The following HS6ST3 variants were observed in gnomAD, a reference collection of about 807,000 sequenced individuals.
The protein encoded by HS6ST3 is heparan sulfate 6-O-sulfotransferase 3.
HS6ST3 carries 12 observed loss-of-function variants against 36.7 expected under a neutral mutation model. The observed-to-expected ratio is 0.33, with a 90% CI of 0.21 to 0.53. HS6ST3 has a LOEUF of 0.53. Among genes scored for constraint, HS6ST3 ranks in the 20% least tolerant of loss-of-function variants. The pLI, the probability that HS6ST3 is intolerant of heterozygous loss-of-function variation, is 0.95. For synonymous variants in HS6ST3, 240 were observed against 257.5 expected, an observed-to-expected ratio of 0.93 and a Z score of 0.65; for missense variants, 584 against 640.9, an observed-to-expected ratio of 0.91 and a Z score of 0.96.
At chr13:96,601,036 A>G (rs1409279474) in intron 1 of HS6ST3, among the ~76,000 whole-genome samples, 1 of 152,112 alleles carries the variant, frequency 6.6e-6, no homozygotes, top group Non-Finnish European at 1.5e-5. Flanking sequence ...GAAGTGTACT[A>G]TTAGTCTCAT....
chr13:96,752,231 G>A (rs1004153084), intron 1 of HS6ST3, among the ~76,000 whole-genome samples: 4 of 151,938 alleles, frequency 2.6e-5, no homozygotes, highest in African/African-American at 7.2e-5. Context: ...TGCTACATTC[G>A]TTTGTGTATC....
chr13:96,313,713 A>G (rs1237599846), intron 1 of HS6ST3, among the ~76,000 whole-genome samples: 1 of 152,190 alleles, frequency 6.6e-6, no homozygotes, highest in Non-Finnish European at 1.5e-5. Flanking sequence ...TTCTTAGCTT[A>G]AGTCACTGAA....
chr13:96,499,824 G>A (rs1309224664), intron 1 of HS6ST3, among the ~76,000 whole-genome samples: 2 of 152,130 alleles, frequency 1.3e-5, no homozygotes, highest in African/African-American at 2.4e-5. Flanking sequence ...GCATCATACT[G>A]GGCCTGGGCG....
intron 1 of HS6ST3, among the ~76,000 whole-genome samples, chr13:96,796,147 C>A (rs1239298538): frequency 6.6e-6 from 1 of 152,072 alleles, no homozygotes; most frequent in Non-Finnish European, 1.5e-5. Flanking sequence ...AGCATTTATG[C>A]AGGCTTTAGT....
At chr13:96,444,508 T>C (rs2055688987) in intron 1 of HS6ST3, among the ~76,000 whole-genome samples, 1 of 152,208 alleles carries the variant, frequency 6.6e-6, no homozygotes, top group Non-Finnish European at 1.5e-5. Context: ...AATTTGAGTA[T>C]AGCAAACAGC....
At chr13:96,146,196 T>C (rs1458909426) in intron 1 of HS6ST3, among the ~76,000 whole-genome samples, 1 of 152,162 alleles carries the variant, frequency 6.6e-6, no homozygotes, top group Non-Finnish European at 1.5e-5. Flanking sequence ...GTTAAGAAAG[T>C]CATTGGTAGC....
intron 1 of HS6ST3, among the ~76,000 whole-genome samples, chr13:96,723,370 T>A (rs1875902474): frequency 6.6e-6 from 1 of 152,128 alleles, no homozygotes; most frequent in Non-Finnish European, 1.5e-5. Flanking sequence ...CTACGCATGA[T>A]GTAGTGATGA....
intron 1 of HS6ST3, among the ~76,000 whole-genome samples, chr13:96,809,196 CT>C (rs1163759011): frequency 2.6e-5 from 4 of 152,032 alleles, no homozygotes; most frequent in South Asian, 4.1e-4. Flanking sequence ...ATAATGTATT[CT>C]TTTTTTTAAA....
chr13:96,797,367 TGTAAACCCCTGGA>T (rs1275632629), intron 1 of HS6ST3, among the ~76,000 whole-genome samples: 1 of 152,056 alleles, frequency 6.6e-6, no homozygotes, highest in Non-Finnish European at 1.5e-5. Context: ...ACTGGCAAGC[TGTAAACCCCTGGA>T]GTAGCTCCAG....
At chr13:96,139,766 T>C (rs990962990) in intron 1 of HS6ST3, among the ~76,000 whole-genome samples, 6 of 152,060 alleles carry the variant, frequency 3.9e-5, no homozygotes, top group Non-Finnish European at 8.8e-5. Context: ...AAAATAGTAA[T>C]TGCCTACCTT....
intron 1 of HS6ST3, among the ~76,000 whole-genome samples, chr13:96,600,360 A>ACG (rs529861344): frequency 6.8e-6 from 1 of 147,984 alleles, no homozygotes; most frequent in Non-Finnish European, 1.5e-5. Context: ...ACACACACAC[A>ACG]TATATATATA....
chr13:96,388,389 A>G (rs371304938), intron 1 of HS6ST3, among the ~76,000 whole-genome samples: 5 of 152,220 alleles, frequency 3.3e-5, no homozygotes, highest in African/African-American at 1.2e-4. Flanking sequence ...TCTTCATGAA[A>G]ATGCTAAGGC....
At chr13:96,668,474 T>C (rs2138429364) in intron 1 of HS6ST3, among the ~76,000 whole-genome samples, 1 of 152,200 alleles carries the variant, frequency 6.6e-6, no homozygotes, top group South Asian at 2.1e-4. Context: ...ACCTGCTGGC[T>C]CACCTGCCCA....
At chr13:96,235,299 C>G (rs2054528959) in intron 1 of HS6ST3, among the ~76,000 whole-genome samples, 1 of 152,118 alleles carries the variant, frequency 6.6e-6, no homozygotes, top group African/African-American at 2.4e-5. Flanking sequence ...AGAAATCTAG[C>G]TTTTAAGAAG....
intron 1 of HS6ST3, among the ~76,000 whole-genome samples, chr13:96,439,340 G>A (rs1409202630): frequency 2.0e-5 from 3 of 152,218 alleles, no homozygotes; most frequent in Non-Finnish European, 4.4e-5. Flanking sequence ...AGTAATTTTA[G>A]ACTGGCTGTG....
At chr13:96,356,208 A>G (rs965584020) in intron 1 of HS6ST3, among the ~76,000 whole-genome samples, 4 of 152,164 alleles carry the variant, frequency 2.6e-5, no homozygotes, top group Admixed American at 2.0e-4. Flanking sequence ...AACCCTTCAA[A>G]GTCACTCATG....
intron 1 of HS6ST3, among the ~76,000 whole-genome samples, chr13:96,787,424 T>A (rs1437027542): frequency 6.6e-6 from 1 of 152,142 alleles, no homozygotes; most frequent in Non-Finnish European, 1.5e-5. Context: ...TGCATGCATG[T>A]ATGTATGTTT....
chr13:96,130,484 T>C (rs1217450466), intron 1 of HS6ST3, among the ~76,000 whole-genome samples: 1 of 152,232 alleles, frequency 6.6e-6, no homozygotes, highest in East Asian at 1.9e-4. Flanking sequence ...ACATGATTTC[T>C]GGAAAAGAGA....
chr13:96,564,856 C>T (rs1408515958), intron 1 of HS6ST3, among the ~76,000 whole-genome samples: 1 of 152,144 alleles, frequency 6.6e-6, no homozygotes, highest in East Asian at 1.9e-4. Flanking sequence ...CCTACTAAAT[C>T]CATGAGAGAC....
Sources: gnomAD v4.1 joint callset for allele counts (sites outside exome capture counted in the v4.1 genomes callset) on GRCh38, gnomAD v4.1.1 for gene constraint, MANE v1.5 for transcripts, NCBI Gene and HGNC (gene_info 2026-07-23, HGNC 2026-07-21) for gene names.